Variants in CLYBL observed in about 807,000 individuals in gnomAD.
CLYBL encodes the protein citramalyl-CoA lyase, mitochondrial.
CLYBL carries 31 observed loss-of-function variants against 38.9 expected under a neutral mutation model. The observed-to-expected ratio is 0.80, with a 90% confidence interval of 0.60 to 1.08. The LOEUF (loss-of-function observed/expected upper bound fraction) is 1.08. Ranked by LOEUF, CLYBL falls within the 50% of genes least tolerant of loss-of-function variation. The pLI, the probability that CLYBL is intolerant of heterozygous loss-of-function variation, is 0.00. For synonymous variants in CLYBL, 171 were observed against 158.6 expected (o/e 1.08, Z -0.59); for missense variants, 434 against 411.6 (o/e 1.05, Z -0.47).
intron 1 of CLYBL, among the ~76,000 whole-genome samples, chr13:99,692,058 C>T (rs1381450944): frequency 1.3e-5 from 2 of 152,098 alleles, no homozygotes; most frequent in Non-Finnish European, 2.9e-5. Context: ...GATATGATAG[C>T]CTGGAAGTGA....
At chr13:99,764,555 T>A (rs2049230400) in intron 1 of CLYBL, among the ~76,000 whole-genome samples, 1 of 152,208 alleles carries the variant, frequency 6.6e-6, no homozygotes, top group African/African-American at 2.4e-5. Flanking sequence ...CTCTAATGAT[T>A]CTTTGTATTT....
chr13:99,638,704 T>G (rs1268239209), intron 1 of CLYBL, among the ~76,000 whole-genome samples: 1 of 152,240 alleles, frequency 6.6e-6, no homozygotes, highest in Non-Finnish European at 1.5e-5. Flanking sequence ...TAAGTTTTAT[T>G]TATTGTTACC....
intron 1 of CLYBL, among the ~76,000 whole-genome samples, chr13:99,678,692 A>G (rs2047688640): frequency 6.6e-6 from 1 of 152,226 alleles, no homozygotes; most frequent in South Asian, 2.1e-4. Flanking sequence ...TCAGGAAAGT[A>G]TTATTATCTT....
chr13:99,638,812 A>G (rs1251343022), intron 1 of CLYBL, among the ~76,000 whole-genome samples: 1 of 152,210 alleles, frequency 6.6e-6, no homozygotes, highest in African/African-American at 2.4e-5. Flanking sequence ...GGGTAGTATG[A>G]CTCTTAGGTC....
chr13:99,853,253 A>G (rs771201168), intron 2 of CLYBL, among the ~76,000 whole-genome samples: 1 of 151,970 alleles, frequency 6.6e-6, no homozygotes, highest in Non-Finnish European at 1.5e-5. Flanking sequence ...GAAGGGCAGA[A>G]ATACCAATTA....
intron 2 of CLYBL, among the ~76,000 whole-genome samples, chr13:99,826,325 T>C (rs1163813334): frequency 6.6e-6 from 1 of 152,182 alleles, no homozygotes; most frequent in East Asian, 1.9e-4. Context: ...CTCAGAACCA[T>C]GACATCAATG....
chr13:99,725,740 G>A (rs184874194), intron 1 of CLYBL, among the ~76,000 whole-genome samples: 1 of 152,094 alleles, frequency 6.6e-6, no homozygotes, highest in Non-Finnish European at 1.5e-5. Flanking sequence ...TTTCCACGCC[G>A]CTGAAAGGGT....
intron 1 of CLYBL, among the ~76,000 whole-genome samples, chr13:99,743,220 G>A (rs2048788022): frequency 6.6e-6 from 1 of 152,090 alleles, no homozygotes; most frequent in Non-Finnish European, 1.5e-5. Flanking sequence ...CAATATAGCT[G>A]CATCATTTTA....
chr13:99,676,186 G>GTCCTTCCGTCCTTCCTTCCTTCCTTCCT (rs2047643588), intron 1 of CLYBL, among the ~76,000 whole-genome samples: 1 of 132,994 alleles, frequency 7.5e-6, no homozygotes, highest in Non-Finnish European at 1.6e-5. Context: ...CCCTCCGTCC[G>GTCCTTCCGTCCTTCCTTCCTTCCTTCCT]TCCTTCCTTC....
At chr13:99,616,080 C>T (rs1220476279) in intron 1 of CLYBL, among the ~76,000 whole-genome samples, 2 of 149,080 alleles carry the variant, frequency 1.3e-5, no homozygotes, top group African/African-American at 2.5e-5. Context: ...CTCCTGGCCT[C>T]GTGATCTGCC....
intron 1 of CLYBL, among the ~76,000 whole-genome samples, chr13:99,703,208 A>C (rs971202795): frequency 6.6e-6 from 1 of 152,190 alleles, no homozygotes; most frequent in Non-Finnish European, 1.5e-5. Flanking sequence ...TAATCCCCGC[A>C]GTTTGGGAGG....
chr13:99,733,119 T>C (rs967425452), intron 1 of CLYBL, among the ~76,000 whole-genome samples: 1 of 152,230 alleles, frequency 6.6e-6, no homozygotes, highest in African/African-American at 2.4e-5. Flanking sequence ...CCTAAAATCA[T>C]GGCTCTTGAA....
intron 1 of CLYBL, among the ~76,000 whole-genome samples, chr13:99,759,517 A>AGTGATGCACCTCTGAT (rs1468071282): frequency 1.3e-5 from 2 of 152,120 alleles, no homozygotes; most frequent in Non-Finnish European, 2.9e-5. Flanking sequence ...AGTTAACAGG[A>AGTGATGCACCTCTGAT]GTGATGCACC....
intron 1 of CLYBL, among the ~76,000 whole-genome samples, chr13:99,730,223 G>C (rs1236727368): frequency 6.6e-6 from 1 of 152,342 alleles, no homozygotes; most frequent in East Asian, 1.9e-4. Context: ...AGGCAGCTGA[G>C]GCCTCACTTT....
intron 1 of CLYBL, among the ~76,000 whole-genome samples, chr13:99,751,368 C>T (rs1197743920): frequency 1.3e-5 from 2 of 151,970 alleles, no homozygotes; most frequent in African/African-American, 4.8e-5. Context: ...TTACAGGTGT[C>T]TGCCACCATA....
At chr13:99,618,086 G>A (rs897119928) in intron 1 of CLYBL, among the ~76,000 whole-genome samples, 1 of 152,086 alleles carries the variant, frequency 6.6e-6, no homozygotes, top group African/African-American at 2.4e-5. Flanking sequence ...ATTCATGAGA[G>A]CAGGGACTTG....
chr13:99,660,340 G>GT (rs1438257225), intron 1 of CLYBL, among the ~76,000 whole-genome samples: 1 of 152,192 alleles, frequency 6.6e-6, no homozygotes, highest in Non-Finnish European at 1.5e-5. Flanking sequence ...TCATCCTTCA[G>GT]GGTAACTGCC....
intron 2 of CLYBL, among the ~76,000 whole-genome samples, chr13:99,792,434 C>T (rs765583272): frequency 6.6e-6 from 1 of 152,164 alleles, no homozygotes; most frequent in Non-Finnish European, 1.5e-5. Flanking sequence ...CCGCTCTCTT[C>T]TCAGCCAGCT....
chr13:99,616,557 T>G (rs1374985844), intron 1 of CLYBL, among the ~76,000 whole-genome samples: 1 of 152,200 alleles, frequency 6.6e-6, no homozygotes, highest in East Asian at 1.9e-4. Flanking sequence ...GGCCCGCCCA[T>G]GGGTGTTTCT....
Sources: gnomAD v4.1 joint callset for allele counts (sites outside exome capture counted in the v4.1 genomes callset) on GRCh38, gnomAD v4.1.1 for gene constraint, MANE v1.5 for transcripts, NCBI Gene and HGNC (gene_info 2026-07-23, HGNC 2026-07-21) for gene names.